WNT7B: variants seen among roughly 807,000 people sequenced by gnomAD.
The protein encoded by WNT7B is protein Wnt-7b.
In WNT7B, 19 loss-of-function variants were observed where a neutral mutation model predicts 38.2. The ratio of observed to expected loss-of-function variants is 0.50; its 90% CI spans 0.35 to 0.73. The LOEUF (loss-of-function observed/expected upper bound fraction) is 0.73, where lower values mean the gene tolerates loss of function less well. Ranked by LOEUF, WNT7B falls within the 30% of genes least tolerant of loss-of-function variation. WNT7B has a pLI of 0.01. For missense variants in WNT7B, 423 were observed against 507.9 expected (o/e 0.83, Z 1.61); for synonymous variants, 243 against 209.3 (o/e 1.16, Z -1.39).
At chr22:45,931,071 C>G (rs202044431) in intron 3 of WNT7B, 27 bp downstream of exon 3, 3 of 1,542,810 alleles carry the variant, frequency 1.9e-6, no homozygotes, top group African/African-American at 1.4e-5. Flanking sequence ...CCAGCTACGG[C>G]CCCCACCAGC....
In WNT7B at chr22:45,931,484, G is replaced by C; in HGVS notation, c.299-115C>G. 7.1e-6 allele frequency: 9 copies of C among 1,261,502 alleles called. No homozygotes were observed. The South Asian group carries it at 1.2e-4, about 17-fold the overall frequency. The allele number at this position is 1,261,502 out of a possible 1,614,324, so 78.1% of individuals were successfully genotyped here. On this transcript the variant is annotated intron_variant, in intron 2 of 3. Transcript: ENST00000339464. ...CTGTTGGCTGGTTGTGTGACCCTGG[G>C]CTCATCGCTCGCCCCCTCTGTGCCT...
At chr22:45,930,058 CTCT>C (rs1931286640) in intron 3 of WNT7B, among the ~76,000 whole-genome samples, 3 of 148,620 alleles carry the variant, frequency 2.0e-5, no homozygotes, top group Non-Finnish European at 1.5e-5. Context: ...TGTTCAAGAT[CTCT>C]TCTGTGCCAG....
chr22:45,925,119 G>C (rs1040940706), intron 3 of WNT7B: 2 of 972,554 alleles, frequency 2.1e-6, no homozygotes, highest in African/African-American at 3.6e-5. Context: ...ATGAGTGCTG[G>C]GTGGGCCCTA....
At chr22:45,933,005 G>A (rs1931415327) in intron 2 of WNT7B, among the ~76,000 whole-genome samples, 1 of 152,248 alleles carries the variant, frequency 6.6e-6, no homozygotes, top group African/African-American at 2.4e-5. Context: ...CCAGCTTTGT[G>A]CTAGGGGCTG....
chr22:45,950,071 A>T lies in WNT7B; in HGVS notation c.147T>A (p.Arg49=). Residue 49 remains arginine (R), a synonymous_variant, in exon 2 of 4, where the codon CGT becomes CGA. Transcript: ENST00000339464. Reference sequence around the variant, plus strand: ...CATCGGGCCGACTCTGGCAGATGGCACGCTGCCGCGGGGCTAGGCCAGGAA... The same window carrying T: ...CATCGGGCCGACTCTGGCAGATGGCTCGCTGCCGCGGGGCTAGGCCAGGAA... ...NKIPGLAPRQ[R]AICQSRPDAI... The T allele has an allele frequency of 6.2e-7, 1 of 1,613,942 alleles. No homozygotes were observed. The highest frequency in any genetic ancestry group is 8.5e-7 in the Non-Finnish European group (1 of 1,180,020).
chr22:45,939,480 A>G (rs917956448), intron 2 of WNT7B, among the ~76,000 whole-genome samples: 1 of 152,250 alleles, frequency 6.6e-6, no homozygotes, highest in Non-Finnish European at 1.5e-5. Context: ...GTATTGATAC[A>G]TGCTACAGTG....
At chr22:45,943,690 G>A (rs1389450327) in intron 2 of WNT7B, among the ~76,000 whole-genome samples, 1 of 152,212 alleles carries the variant, frequency 6.6e-6, no homozygotes, top group African/African-American at 2.4e-5. Context: ...CATGGCCTTG[G>A]GTAAGCCACA....
At chr22:45,932,092 T>G (rs1931381741) in intron 2 of WNT7B, among the ~76,000 whole-genome samples, 1 of 152,120 alleles carries the variant, frequency 6.6e-6, no homozygotes, top group Non-Finnish European at 1.5e-5. Flanking sequence ...CCCTGCTGCT[T>G]CATCTCCCCA....
At chr22:45,938,389 C>T (rs1931563698) in intron 2 of WNT7B, among the ~76,000 whole-genome samples, 1 of 152,122 alleles carries the variant, frequency 6.6e-6, no homozygotes, top group African/African-American at 2.4e-5. Context: ...GTAATCTCAG[C>T]ACTTCGGGAG....
rs1932536114 is a variant in WNT7B, at chr22:45,975,723, C to A, written c.71+961G>T. The A allele has an allele frequency of 2.2e-6, 1 of 461,618 alleles. No individual in the cohort carries two copies. The highest frequency in any genetic ancestry group is 3.5e-5 in the East Asian group (1 of 28,872). 28.6% of individuals were successfully genotyped at this position (461,618 alleles called of 1,614,324 possible). A position where few individuals can be genotyped will look rare whatever the true frequency, so the allele number is the denominator to read the frequency against. ...TGGACGGGGCTCGCCTCGGGGCAGC[C>A]GGCGGCGCACAGTAGGCGCGCAGGG... On this transcript the variant is annotated intron_variant, in intron 1 of 3. Coordinates refer to ENST00000339464, the MANE Select transcript of WNT7B (RefSeq NM_058238.3). The surrounding 1 kb of genome is among the most constrained non-coding windows in gnomAD (Gnocchi z 6.6).
chr22:45,971,095 C>T (rs1932425341), intron 1 of WNT7B, among the ~76,000 whole-genome samples: 1 of 151,218 alleles, frequency 6.6e-6, no homozygotes, highest in African/African-American at 2.4e-5. Flanking sequence ...AAATTGGCTG[C>T]GTCTTTATTA....
intron 1 of WNT7B, among the ~76,000 whole-genome samples, chr22:45,953,209 TCACAGTCACCGTGTCCTCGGCTTCC>T: frequency 3.9e-5 from 2 of 51,162 alleles, no homozygotes; most frequent in Middle Eastern, 0.01. Context: ...TGGCTTCCCC[TCACAGTCACCGTGTCCTCGGCTTCC>T]CCTCACAGTC....
intron 3 of WNT7B, among the ~76,000 whole-genome samples, chr22:45,924,765 AGGTG>A (rs1569108591): frequency 7.1e-6 from 1 of 140,770 alleles, no homozygotes; most frequent in Non-Finnish European, 1.5e-5. Flanking sequence ...CTAGGCTGGC[AGGTG>A]GGTGCCGGGG....
intron 2 of WNT7B, among the ~76,000 whole-genome samples, chr22:45,932,761 C>A (rs1156525670): frequency 1.3e-5 from 2 of 152,208 alleles, no homozygotes; most frequent in South Asian, 2.1e-4. Flanking sequence ...TGAGTGGGAA[C>A]CTCCCTGCCC....
chr22:45,929,713 CGTGA>C (rs1931251668), intron 3 of WNT7B, among the ~76,000 whole-genome samples: 3 of 149,734 alleles, frequency 2.0e-5, no homozygotes, highest in Non-Finnish European at 3.0e-5. Flanking sequence ...TCCATCCACC[CGTGA>C]ATCCACTCAC....
chr22:45,925,996 C>T (rs1050436955), intron 3 of WNT7B: 13 of 985,288 alleles, frequency 1.3e-5, no homozygotes, highest in South Asian at 4.7e-5. Flanking sequence ...CCCTGTCTCC[C>T]GGTCTTCATC....
At position 45,931,123 on chromosome 22, in the gene WNT7B, A is replaced by C; in HGVS notation, c.545T>G (p.Leu182Arg). Residue 182 changes from leucine (L) to arginine (R), a missense_variant, in exon 3 of 4, where the codon CTG becomes CGG. Around this residue, in one of 3 missense-constraint regions of WNT7B, gnomAD observed 132 missense variants for 113.4 expected, o/e 1.16. Coordinates refer to ENST00000339464, the MANE Select transcript of WNT7B (RefSeq NM_058238.3). ...CTTCCTGCCGGCCTCATTGTTATGC[A>C]GGTTCATGAGGCGCCGCGCGTTCTT... is the stretch of plus-strand genomic sequence containing the variant. ...IKKNARRLMN[L>R]HNNEAGRKVL... is the part of the protein sequence containing the mutation. 6.3e-7 allele frequency: 1 copy of C among 1,588,014 alleles called. No homozygotes were observed. Among genetic ancestry groups the C allele is most frequent in the South Asian group, 1.1e-5 (1 of 90,362 alleles).
chr22:45,963,562 C>T (rs1313887737), intron 1 of WNT7B, among the ~76,000 whole-genome samples: 1 of 152,142 alleles, frequency 6.6e-6, no homozygotes, highest in East Asian at 1.9e-4. Context: ...TAGAGAGGAG[C>T]AGCATCTTGG....
chr22:45,977,112 A>G lies in WNT7B; in HGVS notation c.-358T>C. 7.7e-6 allele frequency: 6 copies of G among 776,066 alleles called. No homozygotes were observed. Among genetic ancestry groups the G allele is most frequent in the Non-Finnish European group, 9.4e-6 (6 of 639,078 alleles). The allele number at this position is 776,066 out of a possible 1,614,324, so 48.1% of individuals were successfully genotyped here. A position where few individuals can be genotyped will look rare whatever the true frequency, so the allele number is the denominator to read the frequency against. Reference sequence around the variant, plus strand: ...GCCTGAGGCCGTGAGCGCCTCGCCGAGCGCCGCGGCGGCCAATGTGTCCGC... The same window carrying G: ...GCCTGAGGCCGTGAGCGCCTCGCCGGGCGCCGCGGCGGCCAATGTGTCCGC... On this transcript the variant is annotated 5_prime_UTR_variant, in exon 1 of 4. Transcript: ENST00000339464.
Sources: gnomAD v4.1 joint callset for allele counts (sites outside exome capture counted in the v4.1 genomes callset) on GRCh38, gnomAD v4.1.1 for gene constraint, gnomAD v4.1.1 regional missense constraint, Gnocchi (gnomAD v3.1) non-coding constraint, MANE v1.5 for transcripts, NCBI Gene and HGNC (gene_info 2026-07-23, HGNC 2026-07-21) for gene names.